P3H1: variants seen among roughly 807,000 people sequenced by gnomAD.
P3H1 encodes growth suppressor 1.
In P3H1, 69 loss-of-function variants were observed where a neutral mutation model predicts 84.0. The observed-to-expected ratio is 0.82, with a 90% CI of 0.68 to 1.00. The LOEUF (loss-of-function observed/expected upper bound fraction) is 1.00, where lower values mean the gene tolerates loss of function less well. P3H1 is among the 50% of genes least tolerant of loss of function. P3H1 has a pLI of 0.00. For synonymous variants in P3H1, 366 were observed against 388.8 expected (o/e 0.94, Z 0.69); for missense variants, 878 against 962.8 (o/e 0.91, Z 1.17).
chr1:42,752,698 A>G, intron 8 of P3H1, 34 bp from the exon 9 acceptor site: 1 of 1,613,696 alleles, frequency 6.2e-7, no homozygotes, highest in East Asian at 2.2e-5. Context: ...AGCTAAATCT[A>G]GCAGCAGCTA....
chr1:42,755,673 C>T, intron 5 of P3H1, 36 bp from the exon 6 acceptor site: 1 of 1,549,318 alleles, frequency 6.5e-7, no homozygotes, highest in Non-Finnish European at 8.9e-7. Context: ...CCCCAGAACT[C>T]AGCCCTGTCT....
intron 5 of P3H1, among the ~76,000 whole-genome samples, chr1:42,757,151 G>T (rs1342223147): frequency 6.6e-6 from 1 of 152,174 alleles, no homozygotes; most frequent in Non-Finnish European, 1.5e-5. Flanking sequence ...AAGCCAGATG[G>T]TCACCATCTA....
chr1:42,763,394 G>A (rs1315783842), intron 1 of P3H1, among the ~76,000 whole-genome samples: 4 of 151,856 alleles, frequency 2.6e-5, no homozygotes, highest in African/African-American at 7.2e-5. Context: ...GGGGGTGGTC[G>A]GGGGCGGTAG....
intron 11 of P3H1, 37 bp from the exon 12 acceptor site, chr1:42,748,354 C>T (rs777847192): frequency 3.4e-6 from 5 of 1,472,442 alleles, no homozygotes; most frequent in African/African-American, 2.8e-5. Flanking sequence ...AAGGGAGCAC[C>T]TCGGGAGACG....
At position 42,747,403 on chromosome 1, in the gene P3H1, G is replaced by A. The variant is rs1202332402; in HGVS notation, c.1924C>T (p.Gln642Ter). 6.2e-7 allele frequency: 1 copy of A among 1,610,954 alleles called. No individual in the cohort carries two copies. The highest frequency in any genetic ancestry group is 8.5e-7 in the Non-Finnish European group (1 of 1,178,782). Residue 642 changes from glutamine to a stop codon, truncating the protein, a stop_gained, in exon 14 of 15, where the codon CAG becomes TAG. Transcript: ENST00000296388. LOFTEE classifies it high-confidence loss of function. ...CCCACGGCTCTTCCACACTGAGGCT[G>A]CACCTCTGCCTAAGGGGGACAGAAA... ...LDAKTVTAEV[Q>*]PQCGRAVGFS...
chr1:42,748,754 A>G (rs1651869444), intron 11 of P3H1: 1 of 283,448 alleles, frequency 3.5e-6, no homozygotes, highest in East Asian at 8.5e-5. Flanking sequence ...AGCAAAGGGA[A>G]AGCATGAACT....
In P3H1 at chr1:42,757,833, A is replaced by G. The variant is rs375778423; in HGVS notation, c.1030T>C (p.Tyr344His). The change falls in exon 5 of 15, where the codon TAT (tyrosine) becomes CAT (histidine). Residue 344 changes from tyrosine to histidine, a missense_variant. Transcript: ENST00000296388. ...TGTTCTTCTCCAAGCATAGCTGCATAATAGGCCAAATTTTGGTTCATCACC... is the reference window on the plus strand; with the variant it reads ...TGTTCTTCTCCAAGCATAGCTGCATGATAGGCCAAATTTTGGTTCATCACC... Reference protein sequence around the residue: ...DEVMNQNLAYYAAMLGEEHTR... With the variant: ...DEVMNQNLAYHAAMLGEEHTR... 1.2e-6 allele frequency: 2 copies of G among 1,614,232 alleles called. No individual in the cohort carries two copies. The highest frequency in any genetic ancestry group is 1.7e-6 in the Non-Finnish European group (2 of 1,180,042).
At position 42,757,797 on chromosome 1, in the gene P3H1, T is replaced by A; in HGVS notation, c.1066A>T (p.Ile356Phe). 1 of 1,614,248 alleles carries A rather than the reference T, an allele frequency of 6.2e-7. No homozygotes were observed. Among genetic ancestry groups the A allele is most frequent in the Non-Finnish European group, 8.5e-7 (1 of 1,180,042 alleles). Residue 356 changes from isoleucine (I) to phenylalanine (F), a missense_variant, in exon 5 of 15, where the codon ATC becomes TTC. Transcript: ENST00000296388. ...AMLGEEHTRSIGPRESAKEYR... is the reference protein window; with the variant it reads ...AMLGEEHTRSFGPRESAKEYR... ...AAGTCTCTCACCTCACGGGGGCCGA[T>A]GGATCTGGTGTGTTCTTCTCCAAGC...
At chr1:42,759,463 C>T in intron 2 of P3H1, 73 bp from the exon 3 acceptor site, 1 of 1,328,646 alleles carries the variant, frequency 7.5e-7, no homozygotes, top group Non-Finnish European at 1.1e-6. Context: ...CAGCCACCTT[C>T]ACAGGGGTCC....
intron 13 of P3H1, 29 bp downstream of exon 13, chr1:42,747,693 TC>T: frequency 1.9e-6 from 3 of 1,611,504 alleles, no homozygotes; most frequent in Non-Finnish European, 2.5e-6. Flanking sequence ...ACTTTTTATC[TC>T]CCAGGGACAA....
rs1312359394 is a variant in P3H1 at position 42,750,650 on chromosome 1, C to CGG, written c.1570-316_1570-315dup. On this transcript the variant is annotated intron_variant, in intron 10 of 14. Transcript: ENST00000296388. ...CAGCCACCCCGTCCGGGAGGGAGGC[C>CGG]GGGGGGGGTGGTCGGCCAGCCGCCC... 1.6e-3 allele frequency among the ~76,000 whole-genome samples: 73 copies of CGG among 44,394 alleles called. 5 individuals are homozygous for CGG. The highest frequency in any genetic ancestry group is 7.1e-3 in the African/African-American group (65 of 9,176). 29.1% of individuals were successfully genotyped at this position (44,394 alleles called of 152,430 possible).
At chr1:42,748,073 T>C (rs527239806) in intron 12 of P3H1, 127 bp downstream of exon 12, 5 of 741,574 alleles carry the variant, frequency 6.7e-6, no homozygotes, top group African/African-American at 3.5e-5. Context: ...GGATAAAGGA[T>C]TGGACTCTGG....
intron 3 of P3H1, 35 bp downstream of exon 3, chr1:42,759,166 G>A: frequency 6.2e-7 from 1 of 1,607,970 alleles, no homozygotes; most frequent in East Asian, 2.2e-5. Context: ...GTCCCAGGAG[G>A]CCTGGCTGAA....
rs1283163798 is a variant in P3H1 at position 42,754,269 on chromosome 1, A to T, written c.1345+600T>A. On this transcript the variant is annotated intron_variant, in intron 8 of 14. Coordinates refer to ENST00000296388, the MANE Select transcript of P3H1 (RefSeq NM_022356.4). This position sits in a 1 kb window ranked among gnomAD's most constrained non-coding sequence, Gnocchi z 4.0. Reference sequence around the variant, plus strand: ...GGAAGCCTGAGGCAATGAAAAACGGAAAAGGCTGGGGAGAGAGCTGAGAAG... The same window carrying T: ...GGAAGCCTGAGGCAATGAAAAACGGTAAAGGCTGGGGAGAGAGCTGAGAAG... Among the ~76,000 whole-genome samples the T allele has an allele frequency of 6.6e-6, 1 of 152,140 alleles. No homozygotes were observed. Among genetic ancestry groups the T allele is most frequent in the African/African-American group, 2.4e-5 (1 of 41,432 alleles).
chr1:42,762,256 G>A, intron 2 of P3H1, 67 bp downstream of exon 2: 2 of 1,542,646 alleles, frequency 1.3e-6, no homozygotes, highest in Non-Finnish European at 1.8e-6. Flanking sequence ...GGGTGACAGA[G>A]CAAGACTCTG....
At chr1:42,764,881 C>T (rs1652911107) in intron 1 of P3H1, among the ~76,000 whole-genome samples, 1 of 152,130 alleles carries the variant, frequency 6.6e-6, no homozygotes. Context: ...TTCAGCGCTG[C>T]TCCTGCCTTT....
chr1:42,757,699 G>A (rs972684692), intron 5 of P3H1, 84 bp downstream of exon 5: 43 of 1,602,458 alleles, frequency 2.7e-5, no homozygotes, highest in African/African-American at 9.4e-5. Flanking sequence ...CACGCACAGC[G>A]CCTACTCCCC....
At position 42,766,729 on chromosome 1, in the gene P3H1, G is replaced by A. The variant is rs1174358669; in HGVS notation, c.243C>T (p.Ala81=). 6.4e-7 allele frequency: 1 copy of A among 1,568,122 alleles called. No individual in the cohort carries two copies. Among genetic ancestry groups the A allele is most frequent in the South Asian group, 1.2e-5 (1 of 86,588 alleles). The change falls in exon 1 of 15, where the codon GCC becomes GCT. Residue 81 remains alanine (A), a synonymous_variant. Coordinates refer to ENST00000296388, the MANE Select transcript of P3H1 (RefSeq NM_022356.4). ...CGGGGTCCAGCTCCCACGGGAAGTC[G>A]GCGGCACACTGGGTGCGGCAGCGCA... ...LRLRCRTQCA[A]DFPWELDPDW...
In P3H1 at chr1:42,748,158, G is replaced by C. The variant is rs905360097; in HGVS notation, c.1838+42C>G. 3 of 1,446,624 alleles carry C rather than the reference G, an allele frequency of 2.1e-6. No individual in the cohort carries two copies. The African/African-American group carries it at 4.2e-5, about 20-fold the overall frequency. The allele number at this position is 1,446,624 out of a possible 1,614,324, so 89.6% of individuals were successfully genotyped here. On this transcript the variant is annotated intron_variant, in intron 12 of 14. Transcript: ENST00000296388. ...TGCAGGGCACTGTGGGGCCTCTGAG[G>C]AGGGCACAGACCTCCTCACCCTGCA...
Sources: allele counts gnomAD v4.1 joint callset (sites outside exome capture counted in the v4.1 genomes callset), GRCh38; gene constraint gnomAD v4.1.1; non-coding constraint Gnocchi (gnomAD v3.1); transcripts MANE v1.5; gene names NCBI Gene and HGNC (gene_info 2026-07-23, HGNC 2026-07-21).